Variants in UGGT2 observed in about 807,000 individuals in gnomAD.
UGGT2 encodes UDP-glucose glycoprotein glucosyltransferase 2, also known as UDP-glucose:glycoprotein glucosyltransferase 2.
A neutral mutation model predicts 192.1 loss-of-function variants in UGGT2; 180 were observed. That is an observed-to-expected ratio of 0.94 (90% confidence interval 0.83 to 1.06). The LOEUF (loss-of-function observed/expected upper bound fraction) is 1.06. UGGT2 is among the 50% of genes least tolerant of loss of function. UGGT2 has a pLI of 0.00. For synonymous variants in UGGT2, 580 were observed against 591.0 expected (o/e 0.98, Z 0.27); for missense variants, 1,849 against 1,795.7 (o/e 1.03, Z -0.54).
intron 17 of UGGT2, among the ~76,000 whole-genome samples, chr13:95,928,453 G>A (rs989717255): frequency 5.9e-5 from 9 of 151,938 alleles, no homozygotes; most frequent in Admixed American, 4.6e-4. Flanking sequence ...CGGCTGCTGG[G>A]CGGAGGGGCT....
At chr13:96,033,113 C>T (rs1014796815) in intron 1 of UGGT2, among the ~76,000 whole-genome samples, 5 of 152,208 alleles carry the variant, frequency 3.3e-5, no homozygotes, top group African/African-American at 1.2e-4. Flanking sequence ...TCAAGGAGAA[C>T]TACAAATCGC....
At chr13:96,018,750 C>CA (rs202126022) in intron 4 of UGGT2, among the ~76,000 whole-genome samples, 71 of 134,178 alleles carry the variant, frequency 5.3e-4, no homozygotes, top group Admixed American at 1.4e-3. Flanking sequence ...AAAAAAAAAA[C>CA]AAAAAAAACA....
chr13:95,948,126 C>A (rs2049938698), intron 13 of UGGT2, 45 bp from the exon 14 acceptor site: 2 of 1,459,672 alleles, frequency 1.4e-6, no homozygotes, highest in East Asian at 4.8e-5. Flanking sequence ...ACCTTAGAAT[C>A]TTCATGAAAT....
intron 33 of UGGT2, chr13:95,856,671 C>T (rs867928049): frequency 2.4e-6 from 1 of 425,116 alleles, no homozygotes. Context: ...AAAAAAAAGC[C>T]TCTGGATCTT....
intron 36 of UGGT2, among the ~76,000 whole-genome samples, chr13:95,850,391 G>C (rs1226183919): frequency 1.3e-5 from 2 of 152,216 alleles, no homozygotes; most frequent in African/African-American, 4.8e-5. Flanking sequence ...GAGCCTATGG[G>C]AGTGGCATAA....
chr13:95,947,945 A>G, intron 14 of UGGT2, 51 bp downstream of exon 14: 4 of 1,457,108 alleles, frequency 2.7e-6, no homozygotes, highest in Non-Finnish European at 2.9e-6. Context: ...CAATATGAAT[A>G]ACATTGAATT....
chr13:95,863,432 G>T, intron 31 of UGGT2, 197 bp downstream of exon 31: 1 of 499,474 alleles, frequency 2.0e-6, no homozygotes, highest in Non-Finnish European at 3.6e-6. Context: ...CCATTGGTTT[G>T]TATAGTATTT....
chr13:95,949,230 A>G, intron 13 of UGGT2, 105 bp downstream of exon 13: 2 of 1,148,242 alleles, frequency 1.7e-6, no homozygotes, highest in Non-Finnish European at 2.3e-6. Flanking sequence ...GCAAATACTT[A>G]ACTTCCTTAC....
intron 1 of UGGT2, among the ~76,000 whole-genome samples, 167 bp from the exon 2 acceptor site, chr13:96,032,138 C>T (rs1205589912): frequency 6.6e-6 from 1 of 152,050 alleles, no homozygotes; most frequent in Non-Finnish European, 1.5e-5. Context: ...AAAAAACACA[C>T]TGACTATTCT....
chr13:96,011,203 C>CA (rs1364229958), intron 5 of UGGT2, among the ~76,000 whole-genome samples: 3 of 151,932 alleles, frequency 2.0e-5, no homozygotes, highest in African/African-American at 2.4e-5. Flanking sequence ...AGATATAATA[C>CA]AAAAAATATA....
intron 38 of UGGT2, among the ~76,000 whole-genome samples, chr13:95,818,276 C>A (rs1400353521): frequency 6.6e-6 from 1 of 152,204 alleles, no homozygotes; most frequent in Non-Finnish European, 1.5e-5. Context: ...CTATGCACTA[C>A]ATGCAAGCCT....
intron 38 of UGGT2, among the ~76,000 whole-genome samples, chr13:95,802,817 GTTT>G (rs1884122856): frequency 9.4e-6 from 1 of 106,812 alleles, no homozygotes; most frequent in African/African-American, 4.2e-5. Context: ...ATCCTTTTTT[GTTT>G]GTTTGTTTGT....
intron 12 of UGGT2, 110 bp downstream of exon 12, chr13:95,970,002 G>A: frequency 8.7e-7 from 1 of 1,152,070 alleles, no homozygotes; most frequent in Non-Finnish European, 1.2e-6. Context: ...TTTTCACTGA[G>A]AACTGTTCCA....
At chr13:96,031,536 C>G (rs1037106457) in intron 2 of UGGT2, among the ~76,000 whole-genome samples, 8 of 152,124 alleles carry the variant, frequency 5.3e-5, no homozygotes, top group African/African-American at 1.9e-4. Flanking sequence ...AGGCTAGTCT[C>G]TGACTCCTGG....
intron 10 of UGGT2, among the ~76,000 whole-genome samples, chr13:95,974,093 CT>C (rs1219290416): frequency 6.6e-6 from 1 of 152,162 alleles, no homozygotes; most frequent in Non-Finnish European, 1.5e-5. Flanking sequence ...GTGAATTTTT[CT>C]GTACGATTAT....
intron 20 of UGGT2, among the ~76,000 whole-genome samples, chr13:95,906,660 A>C (rs568501923): frequency 6.6e-6 from 1 of 152,382 alleles, no homozygotes; most frequent in Non-Finnish European, 1.5e-5. Flanking sequence ...ATCCACAGCC[A>C]GACACACCAG....
intron 2 of UGGT2, among the ~76,000 whole-genome samples, chr13:96,024,715 G>A (rs2052613531): frequency 6.6e-6 from 1 of 152,180 alleles, no homozygotes; most frequent in Non-Finnish European, 1.5e-5. Flanking sequence ...TCAAGTGATG[G>A]AAATTTCTCA....
chr13:95,894,403 T>C, intron 24 of UGGT2, among the ~76,000 whole-genome samples, 159 bp downstream of exon 24: 1 of 152,156 alleles, frequency 6.6e-6, no homozygotes, highest in Non-Finnish European at 1.5e-5. Flanking sequence ...CTAGAATATA[T>C]AACTAACTGG....
intron 3 of UGGT2, 96 bp downstream of exon 3, chr13:96,023,533 T>A (rs117062323): frequency 7.6e-7 from 1 of 1,308,498 alleles, no homozygotes; most frequent in Non-Finnish European, 1.0e-6. Context: ...TATAAACTTG[T>A]AGATCATTTT....
Sources: allele counts gnomAD v4.1 joint callset (sites outside exome capture counted in the v4.1 genomes callset), GRCh38; gene constraint gnomAD v4.1.1; transcripts MANE v1.5; gene names NCBI Gene and HGNC (gene_info 2026-07-23, HGNC 2026-07-21).